Variants in EPHA3 observed in about 807,000 individuals in gnomAD.
EPHA3 encodes ephrin type-A receptor 3.
Under a neutral mutation model 107.1 loss-of-function variants are expected in EPHA3, and 42 were observed. The ratio of observed to expected loss-of-function variants is 0.39; its 90% CI spans 0.31 to 0.51. The LOEUF (loss-of-function observed/expected upper bound fraction) is 0.51. EPHA3 is among the 20% of genes least tolerant of loss of function. The pLI, the probability that EPHA3 is intolerant of heterozygous loss-of-function variation, is 0.78. For missense variants in EPHA3, 1,183 were observed against 1,211.2 expected (o/e 0.98, Z 0.35); for synonymous variants, 461 against 424.8 (o/e 1.09, Z -1.05).
intron 2 of EPHA3, among the ~76,000 whole-genome samples, chr3:89,130,655 A>G (rs1417292613): frequency 4.7e-5 from 7 of 148,414 alleles, no homozygotes; most frequent in Admixed American, 2.0e-4. Flanking sequence ...CTTTTTTTGA[A>G]ATGGAGTCTC....
chr3:89,150,695 T>G (rs1278609442), intron 2 of EPHA3, among the ~76,000 whole-genome samples: 4 of 152,116 alleles, frequency 2.6e-5, no homozygotes, highest in Admixed American at 2.6e-4. Context: ...ATTCAGTTTT[T>G]CCATAGCATT....
At chr3:89,277,395 C>T (rs1407664732) in intron 3 of EPHA3, among the ~76,000 whole-genome samples, 3 of 152,020 alleles carry the variant, frequency 2.0e-5, no homozygotes, top group African/African-American at 7.2e-5. Flanking sequence ...GTACAATATT[C>T]ACTATATAGC....
intron 3 of EPHA3, among the ~76,000 whole-genome samples, chr3:89,314,249 G>GC (rs79933689): frequency 0.027 from 4,089 of 151,914 alleles, 396 homozygotes; most frequent in East Asian, 0.2. Flanking sequence ...ATTAATGTTT[G>GC]CCCCTATATA....
intron 3 of EPHA3, among the ~76,000 whole-genome samples, chr3:89,228,828 A>G (rs1704560633): frequency 1.3e-5 from 2 of 151,904 alleles, no homozygotes; most frequent in Admixed American, 1.3e-4. Context: ...TGAAGCCCAG[A>G]GAGCAGCAGT....
At chr3:89,460,780 G>A (rs1282288754) in intron 15 of EPHA3, among the ~76,000 whole-genome samples, 31 of 144,226 alleles carry the variant, frequency 2.1e-4, no homozygotes, top group African/African-American at 7.8e-4. Context: ...ACCTTTTAGA[G>A]GGAATCGAAT....
chr3:89,153,507 C>G (rs1277656802), intron 2 of EPHA3, among the ~76,000 whole-genome samples: 1 of 152,036 alleles, frequency 6.6e-6, no homozygotes, highest in Non-Finnish European at 1.5e-5. Flanking sequence ...CTTCTTCCTT[C>G]CAGGTATCAG....
intron 3 of EPHA3, among the ~76,000 whole-genome samples, chr3:89,258,747 A>T (rs537494291): frequency 1.3e-5 from 2 of 152,292 alleles, no homozygotes; most frequent in East Asian, 3.9e-4. Context: ...CTTCCAAAGG[A>T]TCCCCACCTC....
At chr3:89,285,972 C>G (rs1329923461) in intron 3 of EPHA3, among the ~76,000 whole-genome samples, 1 of 152,106 alleles carries the variant, frequency 6.6e-6, no homozygotes, top group African/African-American at 2.4e-5. Flanking sequence ...GATGAGGTCT[C>G]TGCTGCCTTA....
intron 5 of EPHA3, among the ~76,000 whole-genome samples, chr3:89,350,071 T>C (rs2107439433): frequency 6.6e-6 from 1 of 151,078 alleles, no homozygotes; most frequent in Non-Finnish European, 1.5e-5. Context: ...ATTTCAACTT[T>C]GGTGAATCTG....
rs149438987 is a variant in EPHA3 at position 89,277,610 on chromosome 3, T to C, written c.815-63306T>C. Among the ~76,000 whole-genome samples, 6 of 152,280 alleles carry C rather than the reference T, an allele frequency of 3.9e-5. No homozygotes were observed. The East Asian group carries it at 1.2e-3, about 29-fold the overall frequency. ...GTCACTGGGGTAGCATACTCTGGCC[T>C]GCTTTTGTTTTATAGGTTTATAATT... On this transcript the variant is annotated intron_variant, in intron 3 of 16. Coordinates refer to ENST00000336596, the MANE Select transcript of EPHA3 (RefSeq NM_005233.6).
chr3:89,310,224 G>A (rs1191726301), intron 3 of EPHA3, among the ~76,000 whole-genome samples: 1 of 152,008 alleles, frequency 6.6e-6, no homozygotes, highest in Non-Finnish European at 1.5e-5. Context: ...AGGCAAGTGA[G>A]TAAAAAGCAT....
At chr3:89,267,085 A>C (rs1185302405) in intron 3 of EPHA3, among the ~76,000 whole-genome samples, 1 of 152,256 alleles carries the variant, frequency 6.6e-6, no homozygotes, top group Non-Finnish European at 1.5e-5. Context: ...GAGTATAAGC[A>C]AACTGAATGA....
chr3:89,405,332 G>A (rs1465492650), intron 7 of EPHA3, among the ~76,000 whole-genome samples: 1 of 152,132 alleles, frequency 6.6e-6, no homozygotes, highest in Non-Finnish European at 1.5e-5. Context: ...AGTCACTAAG[G>A]GGTACATAAC....
chr3:89,358,361 C>A (rs1256633085), intron 5 of EPHA3, among the ~76,000 whole-genome samples: 3 of 150,772 alleles, frequency 2.0e-5, no homozygotes, highest in Admixed American at 6.7e-5. Context: ...TAAAAAAAAA[C>A]CCATTTAGAT....
In EPHA3 at chr3:89,346,795, T is replaced by C. The variant is rs1318124791; in HGVS notation, c.1306+4705T>C. Among the ~76,000 whole-genome samples, 449 of 144,316 alleles carry C rather than the reference T, an allele frequency of 3.1e-3. 4 individuals carry two copies. The highest frequency in any genetic ancestry group is 0.011 in the African/African-American group (431 of 39,420). 94.7% of individuals were successfully genotyped at this position (144,316 alleles called of 152,430 possible). On this transcript the variant is annotated intron_variant, in intron 5 of 16. Transcript: ENST00000336596. Reference sequence around the variant, plus strand: ...AATCCATCTTGAATTGATTTTTGTATAAGGTGTAAGGAAGGGATCCAGTTT... The same window carrying C: ...AATCCATCTTGAATTGATTTTTGTACAAGGTGTAAGGAAGGGATCCAGTTT...
chr3:89,337,032 A>C (rs1413746803), intron 3 of EPHA3, among the ~76,000 whole-genome samples: 2 of 151,662 alleles, frequency 1.3e-5, no homozygotes, highest in East Asian at 3.9e-4. Context: ...CCTGGACAGT[A>C]GGGTGAGAAG....
chr3:89,267,857 C>A (rs1028208707), intron 3 of EPHA3, among the ~76,000 whole-genome samples: 2 of 152,018 alleles, frequency 1.3e-5, no homozygotes, highest in African/African-American at 4.8e-5. Context: ...ATGCTGAGCT[C>A]AATTTTGAGA....
At chr3:89,408,795 A>G (rs1219383318) in intron 9 of EPHA3, among the ~76,000 whole-genome samples, 1 of 152,086 alleles carries the variant, frequency 6.6e-6, no homozygotes, top group Admixed American at 6.6e-5. Flanking sequence ...TTAGTGTGGC[A>G]ATTACTAATC....
intron 3 of EPHA3, among the ~76,000 whole-genome samples, chr3:89,253,271 T>C (rs1331264032): frequency 6.6e-6 from 1 of 152,256 alleles, no homozygotes; most frequent in East Asian, 1.9e-4. Flanking sequence ...CTCAAGTGCA[T>C]GACAGAGATG....
Sources: allele counts gnomAD v4.1 joint callset (sites outside exome capture counted in the v4.1 genomes callset), GRCh38; gene constraint gnomAD v4.1.1; transcripts MANE v1.5; gene names NCBI Gene and HGNC (gene_info 2026-07-23, HGNC 2026-07-21).